PARG: variants seen among roughly 807,000 people sequenced by gnomAD.
The protein encoded by PARG is mitochondrial poly(ADP-ribose) glycohydrolase.
In PARG, 35 loss-of-function variants were observed where a neutral mutation model predicts 113.0. The ratio of observed to expected loss-of-function variants is 0.31; its 90% CI spans 0.24 to 0.41. The LOEUF is 0.41. Ranked by LOEUF, PARG falls within the 10% of genes least tolerant of loss-of-function variation. PARG has a pLI of 1.00. For synonymous variants in PARG, 330 were observed against 409.9 expected (o/e 0.81, Z 2.36); for missense variants, 797 against 1,169.4 (o/e 0.68, Z 4.64).
At chr10:49,822,271 C>G (rs1210104261) in intron 16 of PARG, among the ~76,000 whole-genome samples, 2 of 151,650 alleles carry the variant, frequency 1.3e-5, no homozygotes, top group Non-Finnish European at 2.9e-5. Flanking sequence ...TATATATTTC[C>G]TAGCTCTGTC....
intron 7 of PARG, among the ~76,000 whole-genome samples, chr10:49,915,368 A>G (rs1387175237): frequency 2.6e-5 from 4 of 152,146 alleles, no homozygotes; most frequent in Non-Finnish European, 5.9e-5. Context: ...TCTCTCTGCT[A>G]ATGGTACTAT....
chr10:49,939,897 C>G (rs1426420769), intron 1 of PARG, among the ~76,000 whole-genome samples: 8 of 152,236 alleles, frequency 5.3e-5, no homozygotes, highest in Non-Finnish European at 8.8e-5. Context: ...TGCCCAGCCT[C>G]TTACACTGTT....
At chr10:49,938,840 T>C (rs1171890404) in intron 1 of PARG, among the ~76,000 whole-genome samples, 1 of 152,140 alleles carries the variant, frequency 6.6e-6, no homozygotes, top group Non-Finnish European at 1.5e-5. Context: ...TGTCCTAAGA[T>C]AATTATATAT....
chr10:49,879,213 A>G (rs1331338758), intron 9 of PARG, among the ~76,000 whole-genome samples: 1 of 152,222 alleles, frequency 6.6e-6, no homozygotes, highest in Non-Finnish European at 1.5e-5. Flanking sequence ...ACATTTTTCA[A>G]GTCTCATAAG....
chr10:49,849,307 A>G (rs1196820837), intron 13 of PARG, among the ~76,000 whole-genome samples: 2 of 152,214 alleles, frequency 1.3e-5, no homozygotes, highest in African/African-American at 4.8e-5. Flanking sequence ...TGGCAAAACG[A>G]CGCTGAAGGA....
intron 13 of PARG, among the ~76,000 whole-genome samples, chr10:49,850,315 C>T (rs1391794044): frequency 2.8e-5 from 4 of 142,488 alleles, no homozygotes; most frequent in Non-Finnish European, 6.1e-5. Context: ...GATAACCAAA[C>T]CTCACTGGAC....
intron 14 of PARG, 107 bp downstream of exon 14, chr10:49,843,442 CTTTTT>C: frequency 1.4e-6 from 1 of 705,848 alleles, no homozygotes. Flanking sequence ...TTTCTTTTTT[CTTTTT>C]AAGTTCACTT....
chr10:49,921,867 A>C (rs560540758), intron 6 of PARG, among the ~76,000 whole-genome samples: 9 of 152,004 alleles, frequency 5.9e-5, no homozygotes, highest in Non-Finnish European at 1.3e-4. Context: ...TTGCCAAAAT[A>C]TAAGATTAAT....
chr10:49,849,952 A>G (rs2573383), intron 13 of PARG, among the ~76,000 whole-genome samples: 3 of 152,226 alleles, frequency 2.0e-5, no homozygotes, highest in African/African-American at 7.2e-5. Context: ...CAGGAATTTG[A>G]GGTAACAGTG....
At chr10:49,835,903 C>A (rs79470049) in intron 15 of PARG, among the ~76,000 whole-genome samples, 1 of 152,110 alleles carries the variant, frequency 6.6e-6, no homozygotes, top group Non-Finnish European at 1.5e-5. Flanking sequence ...TTTCATAGCA[C>A]CTGCCCTATG....
intron 7 of PARG, among the ~76,000 whole-genome samples, chr10:49,896,131 T>C (rs1187082058): frequency 1.3e-5 from 2 of 152,228 alleles, no homozygotes; most frequent in African/African-American, 4.8e-5. Context: ...ACAATGTTAA[T>C]AAGAATGAAG....
intron 16 of PARG, among the ~76,000 whole-genome samples, chr10:49,822,832 C>T (rs1554828875): frequency 6.6e-6 from 1 of 152,176 alleles, no homozygotes; most frequent in Non-Finnish European, 1.5e-5. Flanking sequence ...ACAGAGAATG[C>T]ATAACCTCAA....
intron 16 of PARG, among the ~76,000 whole-genome samples, chr10:49,832,040 C>T (rs1844695772): frequency 6.6e-6 from 1 of 152,098 alleles, no homozygotes; most frequent in African/African-American, 2.4e-5. Context: ...TGGTGTCAGA[C>T]CAGTTGGGAT....
chr10:49,886,790 A>C (rs188674585), intron 7 of PARG, among the ~76,000 whole-genome samples: 1 of 152,220 alleles, frequency 6.6e-6, no homozygotes, highest in Admixed American at 6.5e-5. Context: ...GCTAAATCCT[A>C]ATCTTCTAAA....
intron 16 of PARG, among the ~76,000 whole-genome samples, chr10:49,827,281 T>C (rs1444981989): frequency 6.6e-6 from 1 of 152,250 alleles, no homozygotes; most frequent in East Asian, 1.9e-4. Flanking sequence ...TAGAAATTCA[T>C]TGAGCATATT....
At chr10:49,832,343 C>T (rs1844711165) in intron 16 of PARG, among the ~76,000 whole-genome samples, 2 of 152,216 alleles carry the variant, frequency 1.3e-5, no homozygotes, top group Non-Finnish European at 2.9e-5. Flanking sequence ...CTCTCTCATA[C>T]ACTGGACTGT....
At chr10:49,832,987 G>A (rs557606013) in intron 15 of PARG, 79 bp from the exon 16 acceptor site, 1 of 644,066 alleles carries the variant, frequency 1.6e-6, no homozygotes, top group Admixed American at 3.5e-5. Context: ...TAGGATCAGT[G>A]TCCATTATCA....
intron 15 of PARG, among the ~76,000 whole-genome samples, chr10:49,834,810 A>G (rs782699957): frequency 6.6e-6 from 1 of 152,196 alleles, no homozygotes; most frequent in Non-Finnish European, 1.5e-5. Flanking sequence ...ACTGCACTCC[A>G]GCCTGGGTGA....
intron 13 of PARG, among the ~76,000 whole-genome samples, chr10:49,849,982 T>C (rs1554833921): frequency 6.6e-6 from 1 of 152,178 alleles, no homozygotes; most frequent in Non-Finnish European, 1.5e-5. Context: ...TGTGCCACTG[T>C]ACCCTAGCCT....
Sources: allele counts gnomAD v4.1 joint callset (sites outside exome capture counted in the v4.1 genomes callset), GRCh38; gene constraint gnomAD v4.1.1; transcripts MANE v1.5; gene names NCBI Gene and HGNC (gene_info 2026-07-23, HGNC 2026-07-21).